The following SHOC2 variants were observed in gnomAD, a reference collection of about 807,000 sequenced individuals.
SHOC2 encodes the protein leucine-rich repeat protein SHOC-2.
SHOC2 carries 4 observed loss-of-function variants against 50.2 expected under a neutral mutation model. The observed-to-expected ratio is 0.08, with a 90% CI of 0.04 to 0.18. The LOEUF is 0.18. Ranked by LOEUF, SHOC2 falls within the 10% of genes least tolerant of loss-of-function variation. The pLI, the probability that SHOC2 is intolerant of heterozygous loss-of-function variation, is 1.00. For missense variants in SHOC2, 388 were observed against 669.6 expected, an observed-to-expected ratio of 0.58 and a Z score of 4.64; for synonymous variants, 218 against 244.5, an observed-to-expected ratio of 0.89 and a Z score of 1.01.
intron 1 of SHOC2, among the ~76,000 whole-genome samples, chr10:110,933,514 A>G (rs1014529356): frequency 2.6e-5 from 4 of 152,222 alleles, no homozygotes; most frequent in Non-Finnish European, 4.4e-5. Context: ...CTAAACTTCA[A>G]TTATTACAGG....
intron 1 of SHOC2, among the ~76,000 whole-genome samples, chr10:110,950,632 C>A (rs1847333073): frequency 6.6e-6 from 1 of 152,072 alleles, no homozygotes; most frequent in African/African-American, 2.4e-5. Context: ...ATACTACAAA[C>A]CTAGTAATCC....
intron 2 of SHOC2, among the ~76,000 whole-genome samples, chr10:110,969,455 TAGAC>T (rs1183906558): frequency 6.6e-6 from 1 of 152,190 alleles, no homozygotes. Flanking sequence ...GGCCACCAGA[TAGAC>T]AGTTTGTATA....
chr10:110,930,473 TTAAC>T (rs1227601353), intron 1 of SHOC2, among the ~76,000 whole-genome samples: 1 of 152,174 alleles, frequency 6.6e-6, no homozygotes, highest in Non-Finnish European at 1.5e-5. Context: ...TTAAATTTAA[TTAAC>T]AGTTTTTAGT....
chr10:110,965,188 A>G, intron 2 of SHOC2, 127 bp downstream of exon 2: 2 of 801,504 alleles, frequency 2.5e-6, no homozygotes, highest in Non-Finnish European at 4.1e-6. Flanking sequence ...CAACTTTTTT[A>G]TGGTTTACTT....
chr10:110,979,013 G>A (rs974344604), intron 2 of SHOC2, among the ~76,000 whole-genome samples: 3 of 152,190 alleles, frequency 2.0e-5, no homozygotes, highest in Non-Finnish European at 4.4e-5. Flanking sequence ...ACAATCATTT[G>A]TTATCTTATA....
At chr10:110,936,070 G>A (rs1042216964) in intron 1 of SHOC2, among the ~76,000 whole-genome samples, 19 of 150,502 alleles carry the variant, frequency 1.3e-4, no homozygotes, top group Non-Finnish European at 2.4e-4. Flanking sequence ...GTAAATTCTT[G>A]AGTACTCTAG....
chr10:110,967,404 A>G (rs904187512), intron 2 of SHOC2, among the ~76,000 whole-genome samples: 1 of 152,170 alleles, frequency 6.6e-6, no homozygotes, highest in Non-Finnish European at 1.5e-5. Flanking sequence ...GTGTTAGTTT[A>G]TGTGCAACTG....
chr10:110,948,084 G>C (rs1474296701), intron 1 of SHOC2, among the ~76,000 whole-genome samples: 2 of 152,130 alleles, frequency 1.3e-5, no homozygotes, highest in Non-Finnish European at 2.9e-5. Flanking sequence ...CTATATTTAT[G>C]TAAGATAAAA....
chr10:110,925,843 G>A (rs1846760849), intron 1 of SHOC2, among the ~76,000 whole-genome samples: 1 of 152,142 alleles, frequency 6.6e-6, no homozygotes, highest in Non-Finnish European at 1.5e-5. Context: ...CCTGCAGAGT[G>A]CCATAGTTTT....
At chr10:110,986,212 G>A (rs1433900359) in intron 3 of SHOC2, among the ~76,000 whole-genome samples, 2 of 152,186 alleles carry the variant, frequency 1.3e-5, no homozygotes, top group South Asian at 2.1e-4. Flanking sequence ...GGATAAGCAA[G>A]GAGATGACTT....
At chr10:110,931,732 A>G (rs1039665991) in intron 1 of SHOC2, among the ~76,000 whole-genome samples, 1 of 151,228 alleles carries the variant, frequency 6.6e-6, no homozygotes, top group African/African-American at 2.5e-5. Flanking sequence ...GGTTCATAAT[A>G]TTATGTTTAG....
intron 1 of SHOC2, among the ~76,000 whole-genome samples, chr10:110,948,767 A>G (rs1248322260): frequency 1.3e-5 from 2 of 152,198 alleles, no homozygotes; most frequent in Non-Finnish European, 2.9e-5. Context: ...AAATGCTTAC[A>G]TTAAGGAAAA....
At chr10:110,998,406 C>T (rs1222205078) in intron 3 of SHOC2, among the ~76,000 whole-genome samples, 4 of 151,870 alleles carry the variant, frequency 2.6e-5, no homozygotes, top group African/African-American at 9.7e-5. Flanking sequence ...GAGGAATTGA[C>T]ACGTCTCACC....
rs1181615270 is a variant in SHOC2, at chr10:111,011,919, T to G, written c.*101T>G. On this transcript the variant is annotated 3_prime_UTR_variant, in exon 9 of 9. Coordinates refer to ENST00000369452, the MANE Select transcript of SHOC2 (RefSeq NM_007373.4). ...TATGTAGATATTGGTATATGGCAGA[T>G]TTATAAAAATTGCATTATGTGTTTC... is the stretch of plus-strand genomic sequence containing the variant. The G allele has an allele frequency of 5.3e-6, 5 of 946,618 alleles. No homozygotes were observed. The African/African-American group carries it at 8.2e-5, about 15-fold the overall frequency. 58.6% of individuals were successfully genotyped at this position (946,618 alleles called of 1,614,324 possible). A position where few individuals can be genotyped will look rare whatever the true frequency, so the allele number is the denominator to read the frequency against.
At chr10:110,968,574 C>A (rs1847720848) in intron 2 of SHOC2, among the ~76,000 whole-genome samples, 1 of 151,106 alleles carries the variant, frequency 6.6e-6, no homozygotes, top group Admixed American at 6.6e-5. Flanking sequence ...GATGCTTATT[C>A]TTCTTGTTTG....
intron 1 of SHOC2, among the ~76,000 whole-genome samples, chr10:110,958,371 G>A (rs962943062): frequency 1.3e-5 from 2 of 152,010 alleles, no homozygotes; most frequent in Non-Finnish European, 2.9e-5. Context: ...GCACCACCAC[G>A]CCCAGCTAAT....
intron 2 of SHOC2, among the ~76,000 whole-genome samples, chr10:110,977,180 T>C (rs937764219): frequency 2.0e-5 from 3 of 152,184 alleles, no homozygotes; most frequent in African/African-American, 7.2e-5. Flanking sequence ...TTTCCTCTTT[T>C]ATTTTTGTTT....
intron 2 of SHOC2, among the ~76,000 whole-genome samples, chr10:110,975,190 C>A (rs1174656194): frequency 6.7e-6 from 1 of 149,682 alleles, no homozygotes; most frequent in African/African-American, 2.5e-5. Context: ...GAGTCTCGCT[C>A]TGTCGCCCAG....
intron 1 of SHOC2, among the ~76,000 whole-genome samples, chr10:110,963,647 A>G (rs745447485): frequency 1.5e-4 from 23 of 152,112 alleles, no homozygotes; most frequent in Non-Finnish European, 7.4e-5. Flanking sequence ...AGCACATACT[A>G]CCTAATTTGG....
Sources: gnomAD v4.1 joint callset for allele counts (sites outside exome capture counted in the v4.1 genomes callset) on GRCh38, gnomAD v4.1.1 for gene constraint, MANE v1.5 for transcripts, NCBI Gene and HGNC (gene_info 2026-07-23, HGNC 2026-07-21) for gene names.